MIPOL1: variants seen among roughly 807,000 people sequenced by gnomAD.
MIPOL1 encodes the protein mirror-image polydactyly 1, also known as mirror-image polydactyly gene 1 protein.
In MIPOL1, 57 loss-of-function variants were observed where a neutral mutation model predicts 60.9. The observed-to-expected ratio is 0.94, with a 90% confidence interval of 0.76 to 1.17. The LOEUF (loss-of-function observed/expected upper bound fraction) is 1.17. MIPOL1 is among the 50% of genes most tolerant of loss of function. The pLI, the probability that MIPOL1 is intolerant of heterozygous loss-of-function variation, is 0.00. For synonymous variants in MIPOL1, 179 were observed against 168.8 expected, an observed-to-expected ratio of 1.06 and a Z score of -0.47; for missense variants, 551 against 511.6, an observed-to-expected ratio of 1.08 and a Z score of -0.74.
At chr14:37,253,825 A>T (rs940019736) in intron 3 of MIPOL1, among the ~76,000 whole-genome samples, 1 of 151,712 alleles carries the variant, frequency 6.6e-6, no homozygotes, top group Non-Finnish European at 1.5e-5. Flanking sequence ...TTTAGGATAA[A>T]ATCTATTTTC....
At chr14:37,420,862 C>T (rs1336306999) in intron 10 of MIPOL1, among the ~76,000 whole-genome samples, 1 of 152,044 alleles carries the variant, frequency 6.6e-6, no homozygotes, top group Admixed American at 6.6e-5. Context: ...TGAACAAGAT[C>T]ACTGTAGCAT....
At chr14:37,445,720 C>G (rs1170750421) in intron 11 of MIPOL1, among the ~76,000 whole-genome samples, 2 of 151,658 alleles carry the variant, frequency 1.3e-5, no homozygotes, top group Non-Finnish European at 3.0e-5. Context: ...GGTACCAAAA[C>G]AGAGATATAG....
intron 3 of MIPOL1, among the ~76,000 whole-genome samples, chr14:37,256,220 A>G (rs1974898632): frequency 6.6e-6 from 1 of 151,868 alleles, no homozygotes; most frequent in Non-Finnish European, 1.5e-5. Flanking sequence ...TCAGATTAAT[A>G]TTAATCCCTA....
rs77439328 is a variant in MIPOL1, at chr14:37,479,134, C to A, written c.1032-20774C>A. On this transcript the variant is annotated intron_variant, in intron 11 of 12. Coordinates refer to ENST00000684589, the MANE Select transcript of MIPOL1 (RefSeq NM_001388067.1). ...GAATACCCCCACTTTAAACAATGGA[C>A]AGATTATACAGACAGAAAATTAATA... 3.0e-3 allele frequency among the ~76,000 whole-genome samples: 460 copies of A among 151,988 alleles called. 3 individuals are homozygous for A. The highest frequency in any genetic ancestry group is 0.01 in the African/African-American group (426 of 41,478).
intron 12 of MIPOL1, among the ~76,000 whole-genome samples, chr14:37,546,458 T>TA (rs1363907970): frequency 2.0e-5 from 3 of 152,194 alleles, no homozygotes; most frequent in Non-Finnish European, 4.4e-5. Context: ...ACATAGAAGT[T>TA]ACACAGTATA....
intron 1 of MIPOL1, among the ~76,000 whole-genome samples, chr14:37,205,387 A>G (rs936339034): frequency 3.3e-5 from 5 of 152,092 alleles, no homozygotes; most frequent in Non-Finnish European, 1.5e-5. Flanking sequence ...TACAGGTATA[A>G]GCCACTGCAC....
At chr14:37,435,321 C>T (rs914165975) in intron 11 of MIPOL1, among the ~76,000 whole-genome samples, 2 of 152,104 alleles carry the variant, frequency 1.3e-5, no homozygotes, top group Non-Finnish European at 2.9e-5. Flanking sequence ...GAGTGTTCTA[C>T]CCCCGGAATG....
At chr14:37,285,255 C>A in intron 6 of MIPOL1, 63 bp from the exon 7 acceptor site, 9 of 1,565,016 alleles carry the variant, frequency 5.8e-6, no homozygotes, top group Non-Finnish European at 7.9e-6. Flanking sequence ...TTTATTTTTG[C>A]TAAAGGTATA....
chr14:37,367,908 T>C (rs552828250), intron 9 of MIPOL1, among the ~76,000 whole-genome samples: 3 of 152,214 alleles, frequency 2.0e-5, no homozygotes, highest in Admixed American at 6.5e-5. Flanking sequence ...TTTGATTGCA[T>C]TCTGACCAAA....
intron 12 of MIPOL1, among the ~76,000 whole-genome samples, chr14:37,531,673 T>C (rs1454686854): frequency 6.6e-6 from 1 of 152,182 alleles, no homozygotes; most frequent in African/African-American, 2.4e-5. Flanking sequence ...AAATTACAAC[T>C]TTCACATGTC....
intron 3 of MIPOL1, 136 bp downstream of exon 3, chr14:37,248,043 A>C (rs1236129506): frequency 1.4e-6 from 1 of 714,446 alleles, no homozygotes; most frequent in African/African-American, 1.8e-5. Flanking sequence ...AAACATGCAC[A>C]CAGAGACCCA....
intron 11 of MIPOL1, among the ~76,000 whole-genome samples, chr14:37,468,260 A>G (rs1189185747): frequency 2.0e-5 from 3 of 152,108 alleles, no homozygotes; most frequent in Non-Finnish European, 4.4e-5. Flanking sequence ...CACCACAAGT[A>G]AATGTTTACT....
Position 37,547,883 on chromosome 14 carries a change from A to G in MIPOL1, c.*912A>G, listed in dbSNP as rs2095552198. On this transcript the variant is annotated 3_prime_UTR_variant, in exon 13 of 13. Coordinates refer to ENST00000684589, the MANE Select transcript of MIPOL1 (RefSeq NM_001388067.1). ...AATATATAATATTCAATACAATTGT[A>G]ATGTAGAAATATAAGAATTTAGAAA... 6.6e-6 allele frequency: 1 copy of G among 152,012 alleles called. No individual in the cohort carries two copies. 9.4% of individuals were successfully genotyped at this position (152,012 alleles called of 1,614,324 possible). A position where few individuals can be genotyped will look rare whatever the true frequency, so the allele number is the denominator to read the frequency against.
intron 9 of MIPOL1, among the ~76,000 whole-genome samples, chr14:37,359,489 T>C (rs2092087908): frequency 6.6e-6 from 1 of 152,208 alleles, no homozygotes; most frequent in Non-Finnish European, 1.5e-5. Context: ...CTTCCATTTG[T>C]TTGTCTCTTC....
chr14:37,535,762 T>G (rs1198012246), intron 12 of MIPOL1, among the ~76,000 whole-genome samples: 4 of 152,222 alleles, frequency 2.6e-5, no homozygotes, highest in Non-Finnish European at 4.4e-5. Context: ...CTAAGAAATA[T>G]GCATAAATGA....
intron 1 of MIPOL1, among the ~76,000 whole-genome samples, chr14:37,209,102 CT>C (rs747537810): frequency 7.8e-4 from 119 of 152,232 alleles, no homozygotes; most frequent in African/African-American, 1.6e-3. Context: ...TGTAAATGTT[CT>C]TTTCCTATTC....
chr14:37,383,236 G>A (rs2092973487), intron 10 of MIPOL1, among the ~76,000 whole-genome samples: 1 of 151,660 alleles, frequency 6.6e-6, no homozygotes, highest in Non-Finnish European at 1.5e-5. Flanking sequence ...CTTGTTTCAG[G>A]TATTGTTTGT....
At chr14:37,390,844 C>T (rs544167726) in intron 10 of MIPOL1, among the ~76,000 whole-genome samples, 6 of 151,910 alleles carry the variant, frequency 3.9e-5, no homozygotes, top group African/African-American at 9.7e-5. Flanking sequence ...AGAAAGACAA[C>T]GTGACAAGCA....
At chr14:37,404,113 T>C (rs913156494) in intron 10 of MIPOL1, among the ~76,000 whole-genome samples, 2 of 152,222 alleles carry the variant, frequency 1.3e-5, no homozygotes, top group African/African-American at 2.4e-5. Flanking sequence ...AACATGGTAT[T>C]TCTTTTTTAA....
Sources: allele counts gnomAD v4.1 joint callset (sites outside exome capture counted in the v4.1 genomes callset), GRCh38; gene constraint gnomAD v4.1.1; transcripts MANE v1.5; gene names NCBI Gene and HGNC (gene_info 2026-07-23, HGNC 2026-07-21).